FBXO4: variants seen among roughly 807,000 people sequenced by gnomAD.
FBXO4 encodes F-box protein 4.
FBXO4 carries 36 observed loss-of-function variants against 43.7 expected under a neutral mutation model. That is an observed-to-expected ratio of 0.82 (90% CI 0.63 to 1.09). FBXO4 has a LOEUF of 1.09. FBXO4 is among the 50% of genes least tolerant of loss of function. The pLI is 0.00. For missense variants in FBXO4, 435 were observed against 474.1 expected, an observed-to-expected ratio of 0.92 and a Z score of 0.77; for synonymous variants, 180 against 165.6, an observed-to-expected ratio of 1.09 and a Z score of -0.67.
chr5:42,028,655 T>C, the FBXO4 span, among the ~76,000 whole-genome samples: 1 of 151,890 alleles, frequency 6.6e-6, no homozygotes, highest in East Asian at 1.9e-4. Context: ...TCTCTGGTGA[T>C]ATGATTTATA....
rs1438533600 is a variant in FBXO4, at chr5:41,934,298, A to G, written c.888A>G (p.Glu296=). Reference sequence around the variant, plus strand: ...GGTTCATCTATGTTGCAAATGCTGAAGCTCATAAAAGTAAGTACTCATATG... The same window carrying G: ...GGTTCATCTATGTTGCAAATGCTGAGGCTCATAAAAGTAAGTACTCATATG... ...VDGFIYVANA[E]AHKRHEWQDE... Residue 296 remains glutamate (E), a synonymous_variant, in exon 5 of 7, where the codon GAA becomes GAG. Transcript: ENST00000281623. The G allele has an allele frequency of 1.2e-6, 2 of 1,614,020 alleles. No homozygotes were observed. Among genetic ancestry groups the G allele is most frequent in the African/African-American group, 2.7e-5 (2 of 74,944 alleles).
the FBXO4 span, among the ~76,000 whole-genome samples, chr5:42,007,254 A>G: frequency 3.3e-5 from 5 of 151,922 alleles, no homozygotes; most frequent in Non-Finnish European, 7.4e-5. Context: ...AAATAGTATG[A>G]AACAATGTAT....
the FBXO4 span, among the ~76,000 whole-genome samples, chr5:41,948,589 G>A: frequency 7.3e-3 from 1,102 of 151,890 alleles, 16 homozygotes; most frequent in African/African-American, 0.024. Flanking sequence ...TGGTGATACC[G>A]TTGTCATACA....
chr5:41,973,447 C>G, the FBXO4 span, among the ~76,000 whole-genome samples: 1 of 152,042 alleles, frequency 6.6e-6, no homozygotes, highest in Non-Finnish European at 1.5e-5. Flanking sequence ...AATGGTGAGG[C>G]GAGAGGATTG....
At chr5:41,936,052 A>G (rs1413815769) in intron 5 of FBXO4, among the ~76,000 whole-genome samples, 2 of 152,262 alleles carry the variant, frequency 1.3e-5, no homozygotes, top group African/African-American at 2.4e-5. Flanking sequence ...TGACCGAAGT[A>G]TGATGCCTGT....
At chr5:41,966,210 TG>T in the FBXO4 span, among the ~76,000 whole-genome samples, 1 of 152,152 alleles carries the variant, frequency 6.6e-6, no homozygotes, top group South Asian at 2.1e-4. Context: ...GATGAGTTAC[TG>T]GGTGCAGCAC....
chr5:41,936,904 G>GA (rs1751864888), intron 5 of FBXO4, among the ~76,000 whole-genome samples: 1 of 147,648 alleles, frequency 6.8e-6, no homozygotes, highest in Non-Finnish European at 1.5e-5. Flanking sequence ...CAGTTTTTTT[G>GA]TTTTTTTTTT....
At chr5:41,975,971 G>A in the FBXO4 span, among the ~76,000 whole-genome samples, 2 of 152,094 alleles carry the variant, frequency 1.3e-5, no homozygotes, top group East Asian at 3.9e-4. Flanking sequence ...AGGAGACAAA[G>A]ACACAGCATG....
chr5:41,946,542 G>A (rs1174138457), downstream of FBXO4, among the ~76,000 whole-genome samples: 1 of 152,110 alleles, frequency 6.6e-6, no homozygotes, highest in Non-Finnish European at 1.5e-5. Context: ...TTGCAGAAAC[G>A]ATCTATTTCA....
the FBXO4 span, among the ~76,000 whole-genome samples, chr5:41,974,188 G>A: frequency 5.9e-5 from 9 of 152,196 alleles, no homozygotes; most frequent in Middle Eastern, 3.4e-3. Context: ...TCCTTGGTCT[G>A]GGGTGTGTAC....
chr5:41,965,349 A>G, the FBXO4 span, among the ~76,000 whole-genome samples: 1 of 152,130 alleles, frequency 6.6e-6, no homozygotes, highest in East Asian at 1.9e-4. Context: ...TTGGCTTAGG[A>G]TTGACTTGGC....
At chr5:41,947,717 G>T in the FBXO4 span, among the ~76,000 whole-genome samples, 1 of 152,156 alleles carries the variant, frequency 6.6e-6, no homozygotes, top group African/African-American at 2.4e-5. Context: ...AATGAGAGAG[G>T]TAGTCATATG....
the FBXO4 span, among the ~76,000 whole-genome samples, chr5:42,013,870 G>A: frequency 6.6e-6 from 1 of 152,142 alleles, no homozygotes; most frequent in Non-Finnish European, 1.5e-5. Context: ...CATGAATTGA[G>A]TATTAATTAA....
At chr5:42,017,949 A>T in the FBXO4 span, among the ~76,000 whole-genome samples, 2 of 151,796 alleles carry the variant, frequency 1.3e-5, no homozygotes, top group Non-Finnish European at 2.9e-5. Context: ...TTTCTTTTGG[A>T]TATATACTCA....
At chr5:41,996,639 TG>T in the FBXO4 span, among the ~76,000 whole-genome samples, 26 of 152,322 alleles carry the variant, frequency 1.7e-4, no homozygotes, top group African/African-American at 6.3e-4. Context: ...ACTTGATAAA[TG>T]CGACAGAATA....
chr5:41,960,541 G>A, the FBXO4 span, among the ~76,000 whole-genome samples: 1 of 152,176 alleles, frequency 6.6e-6, no homozygotes, highest in East Asian at 1.9e-4. Flanking sequence ...TATCTCATTT[G>A]TTGGGAGTTT....
chr5:42,038,957 T>C, the FBXO4 span, among the ~76,000 whole-genome samples: 1 of 152,148 alleles, frequency 6.6e-6, no homozygotes, highest in Non-Finnish European at 1.5e-5. Context: ...CAGCTATACA[T>C]CTTCCTTTTC....
chr5:41,987,796 A>G, the FBXO4 span, among the ~76,000 whole-genome samples: 1 of 152,168 alleles, frequency 6.6e-6, no homozygotes, highest in Non-Finnish European at 1.5e-5. Context: ...CATTTCTATT[A>G]CAGTATTTTT....
chr5:41,972,140 G>A, the FBXO4 span, among the ~76,000 whole-genome samples: 1 of 151,928 alleles, frequency 6.6e-6, no homozygotes, highest in African/African-American at 2.4e-5. Flanking sequence ...GAAGAGAGGA[G>A]GTAAAATTAT....
Sources: allele counts gnomAD v4.1 joint callset (sites outside exome capture counted in the v4.1 genomes callset), GRCh38; gene constraint gnomAD v4.1.1; transcripts MANE v1.5; gene names NCBI Gene and HGNC (gene_info 2026-07-23, HGNC 2026-07-21).